GNG2: variants seen among roughly 807,000 people sequenced by gnomAD.
GNG2 encodes G protein subunit gamma 2.
In GNG2, 5 loss-of-function variants were observed where a neutral mutation model predicts 5.5. That is an observed-to-expected ratio of 0.91 (90% CI 0.48 to 1.92). The LOEUF is 1.92. GNG2 is among the 30% of genes most tolerant of loss of function. The pLI is 0.01. For missense variants in GNG2, 55 were observed against 88.4 expected, an observed-to-expected ratio of 0.62 and a Z score of 1.52; for synonymous variants, 28 against 32.0, an observed-to-expected ratio of 0.88 and a Z score of 0.42.
chr14:51,932,838 A>G (rs928018519), intron 2 of GNG2, among the ~76,000 whole-genome samples: 16 of 151,368 alleles, frequency 1.1e-4, no homozygotes, highest in African/African-American at 3.6e-4. Context: ...GGATGTTTGC[A>G]GATGTGATTA....
chr14:51,896,845 A>T (rs1018701410), intron 2 of GNG2, among the ~76,000 whole-genome samples: 11 of 152,210 alleles, frequency 7.2e-5, no homozygotes, highest in Non-Finnish European at 1.5e-4. Flanking sequence ...AAAGTCATAC[A>T]CTAGAATATA....
intron 2 of GNG2, among the ~76,000 whole-genome samples, chr14:51,901,485 C>T (rs1015468214): frequency 6.6e-6 from 1 of 152,040 alleles, no homozygotes; most frequent in African/African-American, 2.4e-5. Context: ...TGAGCCACCA[C>T]GCCCAGCTGA....
chr14:51,931,850 A>G (rs1887675299), intron 2 of GNG2, among the ~76,000 whole-genome samples: 2 of 152,202 alleles, frequency 1.3e-5, no homozygotes, highest in South Asian at 4.1e-4. Flanking sequence ...AAAAGAATTG[A>G]AAGCAGGATC....
At chr14:51,962,560 A>G (rs1340302226) in intron 3 of GNG2, among the ~76,000 whole-genome samples, 1 of 152,218 alleles carries the variant, frequency 6.6e-6, no homozygotes, top group African/African-American at 2.4e-5. Flanking sequence ...GGGGTAATCC[A>G]AATTAATTGC....
At chr14:51,846,318 T>G (rs754487206) in intron 2 of GNG2, among the ~76,000 whole-genome samples, 1 of 152,232 alleles carries the variant, frequency 6.6e-6, no homozygotes, top group Non-Finnish European at 1.5e-5. Flanking sequence ...TACATATTAC[T>G]AAAGATGGAT....
chr14:51,926,877 G>T (rs1887361757), intron 2 of GNG2, among the ~76,000 whole-genome samples: 1 of 152,094 alleles, frequency 6.6e-6, no homozygotes, highest in South Asian at 2.1e-4. Flanking sequence ...CTGAACTAAG[G>T]AGAAAGCCCT....
At chr14:51,911,060 C>T (rs752119463) in intron 2 of GNG2, among the ~76,000 whole-genome samples, 10 of 152,244 alleles carry the variant, frequency 6.6e-5, no homozygotes, top group Middle Eastern at 3.4e-3. Flanking sequence ...GAACTGTGCT[C>T]CTAGCTCAGA....
At chr14:51,896,536 A>G (rs1035781927) in intron 2 of GNG2, among the ~76,000 whole-genome samples, 5 of 152,182 alleles carry the variant, frequency 3.3e-5, no homozygotes, top group African/African-American at 1.2e-4. Flanking sequence ...GTTCTTTTTT[A>G]CCCATAGAAA....
chr14:51,956,836 G>A (rs1381746664), intron 3 of GNG2, among the ~76,000 whole-genome samples: 3 of 152,090 alleles, frequency 2.0e-5, no homozygotes, highest in Non-Finnish European at 2.9e-5. Context: ...TAATGAAGAT[G>A]GATTATATCT....
chr14:51,942,604 T>TC (rs1249305355), intron 2 of GNG2, among the ~76,000 whole-genome samples: 9 of 142,666 alleles, frequency 6.3e-5, no homozygotes, highest in Non-Finnish European at 9.2e-5. Flanking sequence ...TTTTTTTTTT[T>TC]TTAGAGACAG....
chr14:51,947,086 G>C (rs1403953537), intron 2 of GNG2, among the ~76,000 whole-genome samples: 2 of 152,260 alleles, frequency 1.3e-5, no homozygotes, highest in South Asian at 2.1e-4. Context: ...TAAGTCCATT[G>C]AGGTTTCAAA....
intron 2 of GNG2, among the ~76,000 whole-genome samples, chr14:51,830,719 T>C (rs943568095): frequency 3.9e-5 from 6 of 152,226 alleles, no homozygotes; most frequent in African/African-American, 1.4e-4. Context: ...AAGCTGCCAA[T>C]GTTTTTGACC....
intron 3 of GNG2, among the ~76,000 whole-genome samples, chr14:51,959,247 C>A (rs1012277623): frequency 3.9e-5 from 6 of 152,030 alleles, no homozygotes; most frequent in African/African-American, 1.4e-4. Context: ...ATAGCTCTAG[C>A]CCGATTATTT....
At chr14:51,828,675 C>G (rs1026943901) in intron 2 of GNG2, among the ~76,000 whole-genome samples, 2 of 152,160 alleles carry the variant, frequency 1.3e-5, no homozygotes, top group African/African-American at 4.8e-5. Context: ...GCTTAGTTTA[C>G]AGACCCATCA....
chr14:51,880,382 C>T (rs1883964904), intron 2 of GNG2, among the ~76,000 whole-genome samples: 1 of 152,096 alleles, frequency 6.6e-6, no homozygotes, highest in African/African-American at 2.4e-5. Flanking sequence ...AATACAGAAC[C>T]TCACTAGAGT....
intron 2 of GNG2, among the ~76,000 whole-genome samples, chr14:51,880,686 G>A (rs572916797): frequency 6.5e-4 from 99 of 152,228 alleles, no homozygotes; most frequent in African/African-American, 2.2e-3. Context: ...GCCCTTATTT[G>A]CCAAGACAGG....
intron 2 of GNG2, among the ~76,000 whole-genome samples, chr14:51,890,642 C>T (rs1884784811): frequency 6.6e-6 from 1 of 152,108 alleles, no homozygotes; most frequent in African/African-American, 2.4e-5. Flanking sequence ...AAGAATATGG[C>T]TCTCAGCAAT....
chr14:51,855,542 A>G (rs769906136), upstream of GNG2, among the ~76,000 whole-genome samples: 42 of 152,374 alleles, frequency 2.8e-4, no homozygotes, highest in Non-Finnish European at 3.1e-4. Context: ...AGCTGATCCA[A>G]GAAATGCCTG....
At chr14:51,920,179 T>C (rs145693696) in intron 2 of GNG2, among the ~76,000 whole-genome samples, 1 of 152,246 alleles carries the variant, frequency 6.6e-6, no homozygotes, top group East Asian at 1.9e-4. Context: ...GGACCATATC[T>C]GGAACTAACG....
Sources: allele counts gnomAD v4.1 joint callset (sites outside exome capture counted in the v4.1 genomes callset), GRCh38; gene constraint gnomAD v4.1.1; transcripts MANE v1.5; gene names NCBI Gene and HGNC (gene_info 2026-07-23, HGNC 2026-07-21).